Variants in CACNA2D3 observed in about 807,000 individuals in gnomAD.
CACNA2D3 encodes the protein voltage-dependent calcium channel subunit alpha-2/delta-3.
Under a neutral mutation model 160.6 loss-of-function variants are expected in CACNA2D3, and 60 were observed. The observed-to-expected ratio is 0.37, with a 90% CI of 0.30 to 0.46. CACNA2D3 has a LOEUF of 0.46. Among genes scored for constraint, CACNA2D3 ranks in the 20% least tolerant of loss-of-function variants. The pLI is 1.00. For synonymous variants in CACNA2D3, 558 were observed against 492.9 expected (o/e 1.13, Z -1.75); for missense variants, 1,205 against 1,365.0 (o/e 0.88, Z 1.85).
chr3:54,480,182 A>G (rs1348309042), intron 4 of CACNA2D3, among the ~76,000 whole-genome samples: 2 of 151,912 alleles, frequency 1.3e-5, no homozygotes, highest in Non-Finnish European at 2.9e-5. Flanking sequence ...TGTCTCTACA[A>G]AAAAAAAGAA....
At chr3:54,507,879 G>A (rs1405083491) in intron 5 of CACNA2D3, among the ~76,000 whole-genome samples, 1 of 152,224 alleles carries the variant, frequency 6.6e-6, no homozygotes, top group African/African-American at 2.4e-5. Flanking sequence ...ATAGTGAGTT[G>A]CCTCGGGGGA....
At chr3:54,808,739 T>A (rs551321537) in intron 13 of CACNA2D3, among the ~76,000 whole-genome samples, 1 of 152,126 alleles carries the variant, frequency 6.6e-6, no homozygotes, top group East Asian at 1.9e-4. Context: ...GAGATAGGAG[T>A]CACACTCTGC....
intron 17 of CACNA2D3, among the ~76,000 whole-genome samples, chr3:54,852,497 T>A (rs1699080527): frequency 6.6e-6 from 1 of 152,208 alleles, no homozygotes; most frequent in Admixed American, 6.5e-5. Context: ...GCACCTCCGC[T>A]GGAATTTAAT....
intron 29 of CACNA2D3, among the ~76,000 whole-genome samples, chr3:54,970,368 A>T (rs1702240521): frequency 6.7e-6 from 1 of 150,196 alleles, no homozygotes; most frequent in African/African-American, 2.5e-5. Flanking sequence ...CTCTCCTACA[A>T]ATCTTTTCTT....
chr3:54,156,292 T>G (rs1700242311), intron 2 of CACNA2D3, among the ~76,000 whole-genome samples: 1 of 152,152 alleles, frequency 6.6e-6, no homozygotes, highest in Non-Finnish European at 1.5e-5. Flanking sequence ...GGAATGTCAT[T>G]TTCTAGGGAA....
At chr3:54,953,697 T>G (rs1403855152) in intron 27 of CACNA2D3, among the ~76,000 whole-genome samples, 1 of 152,230 alleles carries the variant, frequency 6.6e-6, no homozygotes, top group Non-Finnish European at 1.5e-5. Context: ...TTGTGCTGGT[T>G]GTTTCCCCCT....
At chr3:54,249,105 C>A (rs75861158) in intron 2 of CACNA2D3, among the ~76,000 whole-genome samples, 1 of 152,186 alleles carries the variant, frequency 6.6e-6, no homozygotes, top group African/African-American at 2.4e-5. Flanking sequence ...CATGGAGAGA[C>A]TTTGCATCCC....
chr3:54,733,101 G>T (rs1311288471), intron 11 of CACNA2D3, among the ~76,000 whole-genome samples: 3 of 152,180 alleles, frequency 2.0e-5, no homozygotes, highest in Non-Finnish European at 2.9e-5. Context: ...GCCTAGGTGG[G>T]ACACTTGCAC....
At chr3:54,809,889 A>T (rs1459334498) in intron 13 of CACNA2D3, among the ~76,000 whole-genome samples, 1 of 152,216 alleles carries the variant, frequency 6.6e-6, no homozygotes, top group African/African-American at 2.4e-5. Context: ...AGATAGATAC[A>T]GTCCCTCGGT....
chr3:54,283,597 TG>T (rs1285403198), intron 2 of CACNA2D3, among the ~76,000 whole-genome samples: 1 of 152,236 alleles, frequency 6.6e-6, no homozygotes, highest in East Asian at 1.9e-4. Flanking sequence ...TGTGATATTC[TG>T]GGGATATGAT....
intron 26 of CACNA2D3, among the ~76,000 whole-genome samples, chr3:54,899,341 A>G (rs917605236): frequency 3.9e-5 from 6 of 152,222 alleles, no homozygotes; most frequent in African/African-American, 1.4e-4. Context: ...TAGATCAGTA[A>G]AGATTTAACC....
intron 4 of CACNA2D3, among the ~76,000 whole-genome samples, chr3:54,388,483 T>C (rs1352391224): frequency 2.6e-5 from 4 of 152,140 alleles, no homozygotes; most frequent in Non-Finnish European, 5.9e-5. Context: ...ATACTCAACA[T>C]TTGAAACAAA....
At chr3:55,052,654 A>G (rs571922652) in intron 35 of CACNA2D3, among the ~76,000 whole-genome samples, 1 of 152,112 alleles carries the variant, frequency 6.6e-6, no homozygotes, top group South Asian at 2.1e-4. Context: ...GGTCTCATTT[A>G]TTTGAGGTTT....
intron 2 of CACNA2D3, among the ~76,000 whole-genome samples, chr3:54,285,621 C>A (rs958686731): frequency 6.6e-6 from 1 of 152,208 alleles, no homozygotes; most frequent in African/African-American, 2.4e-5. Flanking sequence ...TGAGAATGGA[C>A]AGACTGCCTC....
intron 34 of CACNA2D3, among the ~76,000 whole-genome samples, chr3:55,017,252 A>G (rs1703344629): frequency 6.6e-6 from 1 of 152,156 alleles, no homozygotes; most frequent in African/African-American, 2.4e-5. Context: ...TAGCATCCCC[A>G]TTTTACAGGT....
chr3:54,970,981 A>T (rs1702265721), intron 29 of CACNA2D3, among the ~76,000 whole-genome samples: 1 of 152,184 alleles, frequency 6.6e-6, no homozygotes, highest in African/African-American at 2.4e-5. Flanking sequence ...TAGATTTCAA[A>T]AAGGTGGACA....
At chr3:54,856,677 C>T (rs575764229) in intron 17 of CACNA2D3, among the ~76,000 whole-genome samples, 4 of 152,290 alleles carry the variant, frequency 2.6e-5, no homozygotes, top group Admixed American at 6.5e-5. Context: ...TGGATAAGCT[C>T]GCCAAAAGAA....
At chr3:54,629,616 C>T (rs1281429570) in intron 10 of CACNA2D3, among the ~76,000 whole-genome samples, 2 of 152,188 alleles carry the variant, frequency 1.3e-5, no homozygotes, top group African/African-American at 2.4e-5. Context: ...GTGTTTTGGA[C>T]AGTACATCTC....
intron 2 of CACNA2D3, among the ~76,000 whole-genome samples, chr3:54,249,409 G>T (rs1373114647): frequency 6.6e-6 from 1 of 152,078 alleles, no homozygotes; most frequent in Non-Finnish European, 1.5e-5. Context: ...TGGCATCCCA[G>T]AGTGAGAAGG....
Sources: allele counts gnomAD v4.1 joint callset (sites outside exome capture counted in the v4.1 genomes callset), GRCh38; gene constraint gnomAD v4.1.1; transcripts MANE v1.5; gene names NCBI Gene and HGNC (gene_info 2026-07-23, HGNC 2026-07-21).